Variants in COL4A1 observed in about 807,000 individuals in gnomAD.
The protein encoded by COL4A1 is collagen alpha-1(IV) chain.
In COL4A1, 40 loss-of-function variants were observed where a neutral mutation model predicts 216.6. The observed-to-expected ratio is 0.18, with a 90% CI of 0.14 to 0.24. The LOEUF is 0.24. Among genes scored for constraint, COL4A1 ranks in the 10% least tolerant of loss-of-function variants. The pLI is 1.00. For missense variants in COL4A1, 1,628 were observed against 2,196.8 expected (o/e 0.74, Z 5.18); for synonymous variants, 839 against 810.7 (o/e 1.03, Z -0.59).
At chr13:110,172,004 G>A (rs939971096) in intron 41 of COL4A1, among the ~76,000 whole-genome samples, 1 of 152,216 alleles carries the variant, frequency 6.6e-6, no homozygotes, top group Non-Finnish European at 1.5e-5. Context: ...AGAACCAGGG[G>A]GTGGGAGAAA....
At chr13:110,301,841 CAGATCCGTACCACAAAGGGA>C (rs936015813) in intron 1 of COL4A1, among the ~76,000 whole-genome samples, 6 of 152,320 alleles carry the variant, frequency 3.9e-5, no homozygotes, top group African/African-American at 1.4e-4. Context: ...AAAAATTTGA[CAGATCCGTACCACAAAGGGA>C]ATGCACAGCC....
chr13:110,307,063 G>C lies in COL4A1; in HGVS notation c.-36C>G, dbSNP rs778082758. ...CCGAGGCGGCGAGGGACGGCTGCCC[G>C]GCGTGCGGGGGCCGCGGCGGACAGC... On this transcript the variant is annotated 5_prime_UTR_variant, in exon 1 of 52. Coordinates refer to ENST00000375820, the MANE Select transcript of COL4A1 (RefSeq NM_001845.6). The surrounding 1 kb of genome is among the most constrained non-coding windows in gnomAD (Gnocchi z 5.0). 19 of 1,409,366 alleles carry C rather than the reference G, an allele frequency of 1.3e-5. No homozygotes were observed. Among genetic ancestry groups the C allele is most frequent in the Non-Finnish European group, 1.6e-5 (17 of 1,079,746 alleles). 87.3% of individuals were successfully genotyped at this position (1,409,366 alleles called of 1,614,324 possible). A position where few individuals can be genotyped will look rare whatever the true frequency, so the allele number is the denominator to read the frequency against.
chr13:110,150,840 A>G (rs184942462), intron 51 of COL4A1, among the ~76,000 whole-genome samples: 315 of 152,322 alleles, frequency 2.1e-3, no homozygotes, highest in Non-Finnish European at 3.7e-3. Context: ...TAAGAAGAAG[A>G]TATTATTCTT....
chr13:110,249,320 T>G (rs996865456), intron 1 of COL4A1, among the ~76,000 whole-genome samples: 7 of 152,108 alleles, frequency 4.6e-5, no homozygotes, highest in Non-Finnish European at 7.3e-5. Flanking sequence ...GTTTGCACTT[T>G]GTTGTATTTC....
At position 110,166,246 on chromosome 13, in the gene COL4A1, ACGCCTTGAT is replaced by A. The variant is rs1471879261; in HGVS notation, c.3998_4006del (p.Asp1333_Gly1335del). The A allele has an allele frequency of 2.5e-6, 4 of 1,608,342 alleles. No homozygotes were observed. The highest frequency in any genetic ancestry group is 1.1e-5 in the South Asian group (1 of 90,972). The stretch of plus-strand genomic sequence containing the variant: ...AACTCTCCTACCTTTAGCTCCCGGG[ACGCCTTGAT>A]CGCCTTGATCACCTTTAATTCCCTG... On this transcript the variant is annotated inframe_deletion, in exon 45 of 52. Transcript: ENST00000375820.
At chr13:110,265,413 C>T (rs1250649835) in intron 1 of COL4A1, 1 of 152,244 alleles carries the variant, frequency 6.6e-6, no homozygotes, top group Non-Finnish European at 1.5e-5. Context: ...CTGAGGCACC[C>T]TAAACTACAG....
intron 1 of COL4A1, among the ~76,000 whole-genome samples, chr13:110,277,214 A>ATT (rs1389533989): frequency 6.6e-6 from 1 of 152,172 alleles, no homozygotes. Flanking sequence ...CTCTTAAGCT[A>ATT]TTTTTATTGG....
intron 2 of COL4A1, among the ~76,000 whole-genome samples, chr13:110,223,027 G>A (rs552223730): frequency 5.3e-4 from 81 of 151,892 alleles, no homozygotes; most frequent in African/African-American, 1.4e-3. Flanking sequence ...AGGTAAATGC[G>A]GTCAGCCTAT....
chr13:110,225,029 C>CT (rs113325782), intron 2 of COL4A1, among the ~76,000 whole-genome samples: 37 of 149,836 alleles, frequency 2.5e-4, no homozygotes, highest in East Asian at 7.8e-4. Context: ...AAAAACCTTT[C>CT]TTTTTTTTTT....
intron 1 of COL4A1, among the ~76,000 whole-genome samples, chr13:110,262,485 C>T (rs72655705): frequency 0.025 from 3,869 of 152,312 alleles, 81 homozygotes; most frequent in East Asian, 0.064. Context: ...CTTTCATGTG[C>T]GTAACTTAAG....
At chr13:110,219,926 G>GTA (rs1461254817) in intron 2 of COL4A1, among the ~76,000 whole-genome samples, 13 of 98,116 alleles carry the variant, frequency 1.3e-4, no homozygotes, top group Admixed American at 2.5e-4. Context: ...GTATATATAT[G>GTA]TATGTATATG....
At chr13:110,212,069 T>C in intron 6 of COL4A1, 147 bp from the exon 7 acceptor site, 1 of 862,180 alleles carries the variant, frequency 1.2e-6, no homozygotes, top group East Asian at 2.4e-5. Context: ...TGCTACTGGG[T>C]ACCACTTTAT....
chr13:110,206,275 C>G (rs1879510647), intron 15 of COL4A1, among the ~76,000 whole-genome samples: 1 of 152,218 alleles, frequency 6.6e-6, no homozygotes, highest in South Asian at 2.1e-4. Flanking sequence ...ACGCCACCAC[C>G]ATCCCTAAAG....
intron 47 of COL4A1, 48 bp downstream of exon 47, chr13:110,163,415 C>G (rs758563901): frequency 6.4e-7 from 1 of 1,561,936 alleles, no homozygotes; most frequent in African/African-American, 1.4e-5. Flanking sequence ...TCCTTCTATC[C>G]CAAAGATCCT....
chr13:110,292,594 G>C lies in COL4A1; in HGVS notation c.84+14350C>G, dbSNP rs1884129657. On this transcript the variant is annotated intron_variant, in intron 1 of 51. Transcript: ENST00000375820. ...CAGGAAACTTACAATCATGGTGGAA[G>C]GCAAAGGGGAGGCAAGGCATGTCTT... 2.0e-5 allele frequency among the ~76,000 whole-genome samples: 3 copies of C among 152,200 alleles called. 1 individual carries two copies. The South Asian group carries it at 6.2e-4, about 31-fold the overall frequency.
intron 1 of COL4A1, among the ~76,000 whole-genome samples, chr13:110,272,701 G>A (rs568950928): frequency 6.6e-5 from 10 of 152,312 alleles, no homozygotes; most frequent in Admixed American, 5.2e-4. Context: ...CTTCCTATTT[G>A]CCTAATCCTT....
intron 49 of COL4A1, 185 bp downstream of exon 49, chr13:110,161,007 C>G (rs997954988): frequency 5.5e-6 from 4 of 722,912 alleles, no homozygotes; most frequent in Non-Finnish European, 9.1e-6. Context: ...CTGTGCCCAG[C>G]CAACTGACTT....
intron 41 of COL4A1, among the ~76,000 whole-genome samples, chr13:110,171,798 G>A (rs1038357829): frequency 2.0e-5 from 3 of 152,232 alleles, no homozygotes; most frequent in African/African-American, 7.2e-5. Flanking sequence ...AGGCAGGGCA[G>A]GAACAGCCCA....
chr13:110,208,758 T>C (rs1047368330), intron 12 of COL4A1, 91 bp downstream of exon 12: 5 of 1,191,566 alleles, frequency 4.2e-6, no homozygotes, highest in Non-Finnish European at 6.3e-6. Flanking sequence ...ACTATACTTG[T>C]AAGAGTCCAG....
Sources: allele counts gnomAD v4.1 joint callset (sites outside exome capture counted in the v4.1 genomes callset), GRCh38; gene constraint gnomAD v4.1.1; non-coding constraint Gnocchi (gnomAD v3.1); transcripts MANE v1.5; gene names NCBI Gene and HGNC (gene_info 2026-07-23, HGNC 2026-07-21).